The following CCSER1 variants were observed in gnomAD, a reference collection of about 807,000 sequenced individuals.
The protein encoded by CCSER1 is coiled-coil serine rich protein 1.
Under a neutral mutation model 82.0 loss-of-function variants are expected in CCSER1, and 41 were observed. The ratio of observed to expected loss-of-function variants is 0.50; its 90% CI spans 0.39 to 0.65. The LOEUF (loss-of-function observed/expected upper bound fraction) is 0.65, where lower values mean the gene tolerates loss of function less well. Ranked by LOEUF, CCSER1 falls within the 30% of genes least tolerant of loss-of-function variation. The pLI is 0.00. For missense variants in CCSER1, 1,119 were observed against 1,064.2 expected (o/e 1.05, Z -0.72); for synonymous variants, 414 against 383.9 (o/e 1.08, Z -0.92).
chr4:91,467,652 C>G (rs916144182), intron 10 of CCSER1, among the ~76,000 whole-genome samples: 11 of 152,020 alleles, frequency 7.2e-5, no homozygotes, highest in Non-Finnish European at 1.5e-4. Flanking sequence ...GACAAACTTA[C>G]AAGAAAAAAA....
At chr4:90,586,142 C>T (rs537615742) in intron 5 of CCSER1, among the ~76,000 whole-genome samples, 2 of 152,230 alleles carry the variant, frequency 1.3e-5, no homozygotes, top group Admixed American at 1.3e-4. Flanking sequence ...TGAGCTCCAC[C>T]TCCTGTCAGA....
At chr4:91,285,789 A>T (rs1252809131) in intron 10 of CCSER1, among the ~76,000 whole-genome samples, 3 of 151,892 alleles carry the variant, frequency 2.0e-5, no homozygotes, top group Non-Finnish European at 4.4e-5. Flanking sequence ...CATTAGAAGA[A>T]TCTCCTTGAG....
chr4:90,332,910 G>A (rs903073673), intron 3 of CCSER1, among the ~76,000 whole-genome samples: 18 of 151,876 alleles, frequency 1.2e-4, no homozygotes, highest in African/African-American at 4.1e-4. Context: ...CAAAATCTAG[G>A]CTCCAATCCA....
intron 10 of CCSER1, among the ~76,000 whole-genome samples, chr4:91,469,404 CT>C (rs2149442165): frequency 6.6e-6 from 1 of 152,280 alleles, no homozygotes; most frequent in Non-Finnish European, 1.5e-5. Context: ...CCTAATAATG[CT>C]TTTAAGGCAG....
Position 90,602,482 on chromosome 4 carries a change from G to A in CCSER1, c.1725-25543G>A, listed in dbSNP as rs1273048708. Among the ~76,000 whole-genome samples the A allele has an allele frequency of 2.0e-5, 3 of 152,010 alleles. No individual in the cohort carries two copies. The East Asian group carries it at 5.8e-4, about 29-fold the overall frequency. ...AAATGAGACATTGTGCCTTCAAGAT[G>A]GGCTGTCTCATTCACCCAATATCCA... On this transcript the variant is annotated intron_variant, in intron 5 of 10. Coordinates refer to ENST00000509176, the MANE Select transcript of CCSER1 (RefSeq NM_001145065.2).
chr4:91,187,544 G>GTT (rs35557731), intron 10 of CCSER1, among the ~76,000 whole-genome samples: 55,572 of 150,750 alleles, frequency 0.37, 11,241 homozygotes, highest in Non-Finnish European at 0.46. Context: ...CAATAAATTT[G>GTT]TTTTTTTTTT....
intron 5 of CCSER1, among the ~76,000 whole-genome samples, chr4:90,494,622 A>T (rs1768680988): frequency 6.6e-6 from 1 of 152,168 alleles, no homozygotes; most frequent in Non-Finnish European, 1.5e-5. Flanking sequence ...CCTTTTGGAA[A>T]TTTATGCCCA....
intron 1 of CCSER1, among the ~76,000 whole-genome samples, chr4:90,293,196 A>C (rs1308744768): frequency 1.4e-5 from 2 of 147,202 alleles, no homozygotes; most frequent in Non-Finnish European, 3.0e-5. Flanking sequence ...ATGATGTTTC[A>C]AAAACAACAA....
chr4:90,194,192 A>G (rs1483062063), intron 1 of CCSER1, among the ~76,000 whole-genome samples: 1 of 152,106 alleles, frequency 6.6e-6, no homozygotes, highest in Non-Finnish European at 1.5e-5. Flanking sequence ...TTTGCAGCCC[A>G]GTTACTTGTT....
intron 3 of CCSER1, among the ~76,000 whole-genome samples, chr4:90,360,098 T>C (rs1745091814): frequency 6.7e-6 from 1 of 148,798 alleles, no homozygotes; most frequent in Admixed American, 6.7e-5. Flanking sequence ...TTTGTATTTT[T>C]AGTAGAGACA....
At chr4:91,076,598 T>G (rs1302059803) in intron 9 of CCSER1, among the ~76,000 whole-genome samples, 1 of 152,192 alleles carries the variant, frequency 6.6e-6, no homozygotes, top group Non-Finnish European at 1.5e-5. Context: ...TAATTTAAAT[T>G]TTGTAAACTT....
chr4:90,493,159 T>C (rs1201215159), intron 5 of CCSER1, among the ~76,000 whole-genome samples: 1 of 152,106 alleles, frequency 6.6e-6, no homozygotes, highest in East Asian at 1.9e-4. Context: ...GAAGAAAGGG[T>C]ATCAGTGATT....
At chr4:90,688,240 A>T (rs1156817262) in intron 6 of CCSER1, among the ~76,000 whole-genome samples, 1 of 151,988 alleles carries the variant, frequency 6.6e-6, no homozygotes, top group African/African-American at 2.4e-5. Flanking sequence ...CACTGTCAAT[A>T]CCCATTTCAT....
At chr4:90,793,157 A>C (rs1051872374) in intron 7 of CCSER1, among the ~76,000 whole-genome samples, 3 of 152,132 alleles carry the variant, frequency 2.0e-5, no homozygotes, top group Non-Finnish European at 2.9e-5. Context: ...TTCAAACATA[A>C]TTTCTTACTT....
chr4:90,245,947 A>G (rs1029210018), intron 1 of CCSER1, among the ~76,000 whole-genome samples: 3 of 152,212 alleles, frequency 2.0e-5, no homozygotes, highest in East Asian at 3.8e-4. Flanking sequence ...GGGAATAACT[A>G]TAAATGGAAA....
At chr4:90,848,333 A>G (rs1443519938) in intron 8 of CCSER1, among the ~76,000 whole-genome samples, 2 of 152,190 alleles carry the variant, frequency 1.3e-5, no homozygotes, top group African/African-American at 4.8e-5. Flanking sequence ...TTATAACTGG[A>G]AGCTAAGGGC....
intron 4 of CCSER1, among the ~76,000 whole-genome samples, chr4:90,461,158 C>A (rs1447526635): frequency 9.0e-6 from 1 of 111,038 alleles, no homozygotes; most frequent in Non-Finnish European, 1.7e-5. Flanking sequence ...CTCCGCCTCC[C>A]GGGTTCACGC....
intron 4 of CCSER1, among the ~76,000 whole-genome samples, chr4:90,449,623 G>C (rs1761155649): frequency 6.6e-6 from 1 of 152,214 alleles, no homozygotes; most frequent in Non-Finnish European, 1.5e-5. Context: ...TCCAAAGAAG[G>C]CTGAGGCAGC....
intron 10 of CCSER1, among the ~76,000 whole-genome samples, chr4:91,377,860 T>A (rs1157861156): frequency 6.6e-6 from 1 of 152,214 alleles, no homozygotes; most frequent in Non-Finnish European, 1.5e-5. Flanking sequence ...CTAGGTTTTC[T>A]TCTAGGGTTT....
Sources: allele counts gnomAD v4.1 joint callset (sites outside exome capture counted in the v4.1 genomes callset), GRCh38; gene constraint gnomAD v4.1.1; transcripts MANE v1.5; gene names NCBI Gene and HGNC (gene_info 2026-07-23, HGNC 2026-07-21).